Variants in CCDC134 observed in about 807,000 individuals in gnomAD.
The protein encoded by CCDC134 is coiled-coil domain containing 134.
In CCDC134, 27 loss-of-function variants were observed where a neutral mutation model predicts 25.6. That is an observed-to-expected ratio of 1.05 (90% CI 0.78 to 1.45). The LOEUF (loss-of-function observed/expected upper bound fraction) is 1.45, where lower values mean the gene tolerates loss of function less well. Among genes scored for constraint, CCDC134 ranks in the 40% most tolerant of loss-of-function variants. The pLI is 0.00. For missense variants in CCDC134, 261 were observed against 286.7 expected (o/e 0.91, Z 0.65); for synonymous variants, 110 against 115.0 (o/e 0.96, Z 0.28).
chr22:41,824,213 C>A lies in CCDC134; in HGVS notation c.565-1485C>A, dbSNP rs192792679. 1.8e-4 allele frequency among the ~76,000 whole-genome samples: 28 copies of A among 152,152 alleles called. No individual in the cohort carries two copies. In the East Asian group the frequency reaches 5.0e-3, roughly 27 times the overall value. ...AGGGAGTCAGGGCAGGTCTAGAGGGCAGTGAGTCAGCTGAGCCCGAGCTAA... is the reference window on the plus strand; with the variant it reads ...AGGGAGTCAGGGCAGGTCTAGAGGGAAGTGAGTCAGCTGAGCCCGAGCTAA... On this transcript the variant is annotated intron_variant, in intron 6 of 6. Coordinates refer to ENST00000255784, the MANE Select transcript of CCDC134 (RefSeq NM_024821.5).
intron 6 of CCDC134, among the ~76,000 whole-genome samples, chr22:41,819,978 T>TATATATATAC (rs2076641698): frequency 8.0e-6 from 1 of 125,074 alleles, no homozygotes; most frequent in East Asian, 2.5e-4. Context: ...TATATATATA[T>TATATATATAC]ATATATATAT....
At chr22:41,809,124 A>G in intron 2 of CCDC134, 131 bp downstream of exon 2, 1 of 687,342 alleles carries the variant, frequency 1.5e-6, no homozygotes, top group Admixed American at 2.8e-5. Context: ...TGCTCTAGCC[A>G]GACCTTGAGC....
At chr22:41,815,195 T>G (rs1003498991) in intron 6 of CCDC134, among the ~76,000 whole-genome samples, 1 of 145,070 alleles carries the variant, frequency 6.9e-6, no homozygotes, top group African/African-American at 2.8e-5. Context: ...TCAAATTTTC[T>G]TTTCTTTTCT....
At chr22:41,822,576 G>A (rs1022003526) in intron 6 of CCDC134, among the ~76,000 whole-genome samples, 3 of 152,198 alleles carry the variant, frequency 2.0e-5, no homozygotes, top group Non-Finnish European at 4.4e-5. Context: ...CCTAGGTGGG[G>A]AAGGGAACAG....
chr22:41,820,018 G>A (rs1245290821), intron 6 of CCDC134, among the ~76,000 whole-genome samples: 5 of 116,712 alleles, frequency 4.3e-5, no homozygotes, highest in African/African-American at 1.8e-4. Flanking sequence ...TTTTTGAGAC[G>A]GAGTCTCACT....
At chr22:41,804,087 T>C (rs1201086772) in intron 1 of CCDC134, among the ~76,000 whole-genome samples, 1 of 151,740 alleles carries the variant, frequency 6.6e-6, no homozygotes, top group Non-Finnish European at 1.5e-5. Flanking sequence ...GAGCCGAGAT[T>C]GCACCACTGC....
rs935898471 is a variant in CCDC134, at chr22:41,827,050, A to G, written c.*1227A>G. The stretch of plus-strand genomic sequence containing the variant: ...TCATTGGCAAAATGAATTTGATGGT[A>G]TCTGTATCCCCTGCCCAGCCCTAAC... On this transcript the variant is annotated 3_prime_UTR_variant, in exon 7 of 7. Transcript: ENST00000255784. 1.3e-5 allele frequency among the ~76,000 whole-genome samples: 2 copies of G among 152,164 alleles called. No homozygotes were observed. Among genetic ancestry groups the G allele is most frequent in the Non-Finnish European group, 2.9e-5 (2 of 68,026 alleles).
In CCDC134 at chr22:41,825,947, C is replaced by T. The variant is rs41277467; in HGVS notation, c.*124C>T. The T allele has an allele frequency of 0.11, 154,007 of 1,387,258 alleles. 12,224 individuals are homozygous for T. Among genetic ancestry groups the T allele is most frequent in the Admixed American group, 0.42 (19,730 of 47,196 alleles). 85.9% of individuals were successfully genotyped at this position (1,387,258 alleles called of 1,614,324 possible). A position where few individuals can be genotyped will look rare whatever the true frequency, so the allele number is the denominator to read the frequency against. ...TCCAGAAGGGGAGGCCACATTTGCCCGGCCCCCTGGAGCTGGGTCTGAGCC... is the reference window on the plus strand; with the variant it reads ...TCCAGAAGGGGAGGCCACATTTGCCTGGCCCCCTGGAGCTGGGTCTGAGCC... On this transcript the variant is annotated 3_prime_UTR_variant, in exon 7 of 7. Transcript: ENST00000255784. This position sits in a 1 kb window ranked among gnomAD's most constrained non-coding sequence, Gnocchi z 4.4.
In CCDC134 at chr22:41,813,733, G is replaced by C. The variant is rs1485222256; in HGVS notation, c.493-18G>C. ...CTCAGGAGAAGGCAGATGATGACTA[G>C]TGTTTCTTCATCTGCAGATGGCCCA... On this transcript the variant is annotated intron_variant, in intron 5 of 6. Transcript: ENST00000255784. The C allele has an allele frequency of 4.4e-6, 7 of 1,605,886 alleles. No individual in the cohort carries two copies. The highest frequency in any genetic ancestry group is 1.3e-5 in the African/African-American group (1 of 74,810).
chr22:41,802,764 A>G (rs2076549882), intron 1 of CCDC134, among the ~76,000 whole-genome samples: 2 of 152,082 alleles, frequency 1.3e-5, no homozygotes, highest in South Asian at 2.1e-4. Flanking sequence ...AATACAAAAA[A>G]TTAGCCGGGC....
At chr22:41,809,353 A>G (rs1414882543) in intron 2 of CCDC134, among the ~76,000 whole-genome samples, 1 of 152,168 alleles carries the variant, frequency 6.6e-6, no homozygotes, top group Admixed American at 6.5e-5. Context: ...ACGAAGATGA[A>G]TTACAACAAG....
chr22:41,813,301 C>G lies in CCDC134; in HGVS notation c.348C>G (p.Gly116=). The change falls in exon 5 of 7, where the codon GGC becomes GGG. Residue 116 remains glycine, a synonymous_variant. Coordinates refer to ENST00000255784, the MANE Select transcript of CCDC134 (RefSeq NM_024821.5). The stretch of plus-strand genomic sequence containing the variant: ...TGGTGGAGAACACGGCCTTCTTCGG[C>G]GATGTGGTGCTGCGCTTCCCGAGGA... The part of the protein sequence containing the change: ...SHVVENTAFF[G]DVVLRFPRIV... 6.2e-7 allele frequency: 1 copy of G among 1,614,158 alleles called. No homozygotes were observed. Among genetic ancestry groups the G allele is most frequent in the Non-Finnish European group, 8.5e-7 (1 of 1,180,030 alleles).
chr22:41,813,872 T>C (rs2076610191), intron 6 of CCDC134, 50 bp downstream of exon 6: 1 of 1,555,954 alleles, frequency 6.4e-7, no homozygotes, highest in East Asian at 2.2e-5. Context: ...TGCTGGGCCA[T>C]AGGACACCGA....
chr22:41,814,363 C>T (rs1189876923), intron 6 of CCDC134, among the ~76,000 whole-genome samples: 4 of 152,116 alleles, frequency 2.6e-5, no homozygotes, highest in South Asian at 4.1e-4. Context: ...GTCAGGAGTT[C>T]GAGACTAGCC....
At chr22:41,818,626 G>C (rs1332289686) in intron 6 of CCDC134, among the ~76,000 whole-genome samples, 10 of 152,208 alleles carry the variant, frequency 6.6e-5, no homozygotes, top group Non-Finnish European at 1.3e-4. Flanking sequence ...GGGTCCTGTT[G>C]AGCCAGTGGC....
chr22:41,811,435 CT>C (rs2076595683), intron 4 of CCDC134, among the ~76,000 whole-genome samples: 1 of 152,124 alleles, frequency 6.6e-6, no homozygotes, highest in South Asian at 2.1e-4. Context: ...CTATTCTTTT[CT>C]TTTTTTTCTT....
At position 41,826,695 on chromosome 22, in the gene CCDC134, T is replaced by C. The variant is rs1459435338; in HGVS notation, c.*872T>C. Among the ~76,000 whole-genome samples the C allele has an allele frequency of 6.6e-6, 1 of 152,132 alleles. No individual in the cohort carries two copies. The highest frequency in any genetic ancestry group is 1.5e-5 in the Non-Finnish European group (1 of 68,002). On this transcript the variant is annotated 3_prime_UTR_variant, in exon 7 of 7. Coordinates refer to ENST00000255784, the MANE Select transcript of CCDC134 (RefSeq NM_024821.5). ...CCCTGCAGGAGGCCGTGCTCCGCAATGGCTGCCCTAAGCTGCATGGGTCAG... is the reference window on the plus strand; with the variant it reads ...CCCTGCAGGAGGCCGTGCTCCGCAACGGCTGCCCTAAGCTGCATGGGTCAG...
rs139765317 is a variant in CCDC134 at position 41,819,575 on chromosome 22, A to C, written c.564+5753A>C. On this transcript the variant is annotated intron_variant, in intron 6 of 6. Transcript: ENST00000255784. The stretch of plus-strand genomic sequence containing the variant: ...CTAGCCCTGTTCTCCTGGGAGTGGC[A>C]TTCTAGTTGGGGAAGACAGGCAGTC... 2.2e-3 allele frequency among the ~76,000 whole-genome samples: 331 copies of C among 152,236 alleles called. 1 individual carries two copies. Among genetic ancestry groups the C allele is most frequent in the African/African-American group, 7.7e-3 (321 of 41,532 alleles).
intron 6 of CCDC134, among the ~76,000 whole-genome samples, chr22:41,823,119 A>C: frequency 6.6e-6 from 1 of 152,216 alleles, no homozygotes; most frequent in East Asian, 1.9e-4. Context: ...CTGTGACTTT[A>C]AGTGAATCTA....
Sources: gnomAD v4.1 joint callset for allele counts (sites outside exome capture counted in the v4.1 genomes callset) on GRCh38, gnomAD v4.1.1 for gene constraint, Gnocchi (gnomAD v3.1) non-coding constraint, MANE v1.5 for transcripts, NCBI Gene and HGNC (gene_info 2026-07-23, HGNC 2026-07-21) for gene names.